The following MCM5 variants were observed in gnomAD, a reference collection of about 807,000 sequenced individuals.
MCM5 encodes the protein DNA replication licensing factor MCM5.
Under a neutral mutation model 79.9 loss-of-function variants are expected in MCM5, and 46 were observed. The ratio of observed to expected loss-of-function variants is 0.58; its 90% CI spans 0.45 to 0.74. The LOEUF is 0.74. Among genes scored for constraint, MCM5 ranks in the 30% least tolerant of loss-of-function variants. The pLI is 0.00. For synonymous variants in MCM5, 404 were observed against 390.5 expected (o/e 1.03, Z -0.41); for missense variants, 883 against 1,017.0 (o/e 0.87, Z 1.79).
the MCM5 span, among the ~76,000 whole-genome samples, chr22:35,434,344 A>G: frequency 1.3e-5 from 2 of 151,600 alleles, no homozygotes; most frequent in South Asian, 4.2e-4. Context: ...TCTTCTACAC[A>G]CTGTGTGGGA....
chr22:35,406,217 A>T (rs755785752), intron 4 of MCM5, among the ~76,000 whole-genome samples: 1 of 151,558 alleles, frequency 6.6e-6, no homozygotes, highest in Non-Finnish European at 1.5e-5. Context: ...GGATGTCGCC[A>T]TCAGAGCTGG....
chr22:35,401,482 G>A, intron 2 of MCM5: 1 of 470,146 alleles, frequency 2.1e-6, no homozygotes, highest in Non-Finnish European at 4.4e-6. Context: ...TGTACGACCT[G>A]TGACATCATG....
At position 35,400,528 on chromosome 22, in the gene MCM5, G is replaced by A. The variant is rs1601749372; in HGVS notation, c.90G>A (p.Gln30=). 6.2e-7 allele frequency: 1 copy of A among 1,614,100 alleles called. No homozygotes were observed. The highest frequency in any genetic ancestry group is 8.5e-7 in the Non-Finnish European group (1 of 1,179,988). Reference sequence around the variant, plus strand: ...ACGAGGGGCAGGCCCGCAAATCGCAGCTGCAGAGGCGCTTCAAGGAGTTCC... The same window carrying A: ...ACGAGGGGCAGGCCCGCAAATCGCAACTGCAGAGGCGCTTCAAGGAGTTCC... ...QADEGQARKS[Q]LQRRFKEFLR... The change falls in exon 2 of 17, where the codon CAG becomes CAA. Residue 30 remains glutamine, a synonymous_variant. Coordinates refer to ENST00000216122, the MANE Select transcript of MCM5 (RefSeq NM_006739.4).
At position 35,413,826 on chromosome 22, in the gene MCM5, C is replaced by T. The variant is rs182792008; in HGVS notation, c.1092-49C>T. 231 of 1,066,612 alleles carry T rather than the reference C, an allele frequency of 2.2e-4. No homozygotes were observed. The African/African-American group carries it at 2.8e-3, about 13-fold the overall frequency. The allele number at this position is 1,066,612 out of a possible 1,614,324, so 66.1% of individuals were successfully genotyped here. A position where few individuals can be genotyped will look rare whatever the true frequency, so the allele number is the denominator to read the frequency against. On this transcript the variant is annotated intron_variant, in intron 8 of 16. Coordinates refer to ENST00000216122, the MANE Select transcript of MCM5 (RefSeq NM_006739.4). ...CAATCTGGTGACTGGATGTCACATG[C>T]GATGCCCTCATGGATTCTCACCTTG...
the MCM5 span, among the ~76,000 whole-genome samples, chr22:35,444,196 AAAAG>A: frequency 1.3e-5 from 2 of 148,540 alleles, no homozygotes; most frequent in Non-Finnish European, 3.0e-5. Context: ...GAGAACAGAG[AAAAG>A]AGAGAGGAAA....
rs1025358492 is a variant in MCM5, at chr22:35,401,863, C to T, written c.167+1258C>T. 1.4e-4 allele frequency: 54 copies of T among 374,702 alleles called. No homozygotes were observed. The Admixed American group carries it at 1.7e-3, about 12-fold the overall frequency. The allele number at this position is 374,702 out of a possible 1,614,324, so 23.2% of individuals were successfully genotyped here. ...CCGGGGGGCTGAAGTTTGAGGGGAC[C>T]TTTGAGCTAAGGTCAGAGTTGCAGG... On this transcript the variant is annotated intron_variant, in intron 2 of 16. Coordinates refer to ENST00000216122, the MANE Select transcript of MCM5 (RefSeq NM_006739.4).
the MCM5 span, among the ~76,000 whole-genome samples, chr22:35,453,833 G>T: frequency 3.4e-5 from 5 of 149,184 alleles, no homozygotes; most frequent in African/African-American, 1.2e-4. Flanking sequence ...GAGAGAGAGA[G>T]AGAGAGAGAG....
chr22:35,424,606 A>T lies in MCM5; in HGVS notation c.*351A>T, dbSNP rs1932760320. The T allele has an allele frequency of 5.2e-6, 1 of 193,734 alleles. No individual in the cohort carries two copies. Among genetic ancestry groups the T allele is most frequent in the Non-Finnish European group, 1.0e-5 (1 of 95,446 alleles). The allele number at this position is 193,734 out of a possible 1,614,324, so 12.0% of individuals were successfully genotyped here. Reference sequence around the variant, plus strand: ...GGAGGCAGACTGGCCAGGGTTTCTGACTTGGATCTGCCACTCAGACTTCTG... The same window carrying T: ...GGAGGCAGACTGGCCAGGGTTTCTGTCTTGGATCTGCCACTCAGACTTCTG... On this transcript the variant is annotated 3_prime_UTR_variant, in exon 17 of 17. Coordinates refer to ENST00000216122, the MANE Select transcript of MCM5 (RefSeq NM_006739.4).
chr22:35,425,792 G>A (rs1932774328), downstream of MCM5, among the ~76,000 whole-genome samples: 1 of 152,008 alleles, frequency 6.6e-6, no homozygotes, highest in African/African-American at 2.4e-5. Context: ...CTCTCATGAG[G>A]TTCACCCTGC....
At chr22:35,419,665 G>A (rs925365061) in intron 13 of MCM5, among the ~76,000 whole-genome samples, 6 of 152,176 alleles carry the variant, frequency 3.9e-5, no homozygotes, top group African/African-American at 1.4e-4. Flanking sequence ...TTTAAGAGAG[G>A]CACCCATATT....
At chr22:35,401,239 C>T (rs1932039391) in intron 2 of MCM5, 1 of 374,786 alleles carries the variant, frequency 2.7e-6, no homozygotes, top group South Asian at 1.9e-5. Flanking sequence ...GATCTTGTTC[C>T]TGTTCATCTG....
intron 9 of MCM5, 74 bp downstream of exon 9, chr22:35,414,060 C>T: frequency 2.2e-6 from 2 of 910,658 alleles, no homozygotes; most frequent in Admixed American, 1.9e-5. Flanking sequence ...TCTGGGTCCT[C>T]AGGACACCTG....
chr22:35,446,649 G>T, the MCM5 span, among the ~76,000 whole-genome samples: 7 of 152,118 alleles, frequency 4.6e-5, no homozygotes, highest in Non-Finnish European at 8.8e-5. Context: ...GGAGGGAGTG[G>T]CTGCCCGTCC....
chr22:35,406,296 A>ACCCCCCCCCCCCCC (rs758388958), intron 4 of MCM5, among the ~76,000 whole-genome samples: 1 of 120,922 alleles, frequency 8.3e-6, no homozygotes, highest in African/African-American at 3.2e-5. Context: ...TTGCCCTGCC[A>ACCCCCCCCCCCCCC]CCTCCCCCCC....
chr22:35,403,220 C>A lies in MCM5; in HGVS notation c.181C>A (p.Arg61=). The A allele has an allele frequency of 1.9e-6, 3 of 1,614,102 alleles. No individual in the cohort carries two copies. The highest frequency in any genetic ancestry group is 2.5e-6 in the Non-Finnish European group (3 of 1,180,020). The change falls in exon 3 of 17, where the codon CGG becomes AGG. Residue 61 remains arginine (R), a synonymous_variant. Transcript: ENST00000216122. ...TGCCCACTCCAGGGATGAACTCAAG[C>A]GGCATTACAACCTGGGGGAGTACTG... The part of the protein sequence containing the change: ...FTFKYRDELK[R]HYNLGEYWIE...
chr22:35,449,883 G>A, the MCM5 span, among the ~76,000 whole-genome samples: 2 of 152,218 alleles, frequency 1.3e-5, no homozygotes, highest in African/African-American at 2.4e-5. Context: ...TTGGGCTGAA[G>A]TGGACCTCCT....
At chr22:35,419,269 G>A (rs1013232481) in intron 13 of MCM5, among the ~76,000 whole-genome samples, 1 of 151,856 alleles carries the variant, frequency 6.6e-6, no homozygotes, top group Admixed American at 6.5e-5. Context: ...ACATCCTTAG[G>A]ATGGTTGAGC....
downstream of MCM5, among the ~76,000 whole-genome samples, chr22:35,427,449 T>C (rs1210500216): frequency 6.6e-6 from 1 of 152,188 alleles, no homozygotes; most frequent in Non-Finnish European, 1.5e-5. Context: ...TTGTAACTAT[T>C]ATCCATATGT....
At chr22:35,448,588 A>G in the MCM5 span, among the ~76,000 whole-genome samples, 1 of 152,342 alleles carries the variant, frequency 6.6e-6, no homozygotes, top group Non-Finnish European at 1.5e-5. Flanking sequence ...TGAGACAGAC[A>G]AGGGTCCTGG....
Sources: gnomAD v4.1 joint callset for allele counts (sites outside exome capture counted in the v4.1 genomes callset) on GRCh38, gnomAD v4.1.1 for gene constraint, MANE v1.5 for transcripts, NCBI Gene and HGNC (gene_info 2026-07-23, HGNC 2026-07-21) for gene names.